Variants in TIAM1 observed in about 807,000 individuals in gnomAD.
TIAM1 encodes rho guanine nucleotide exchange factor TIAM1.
A neutral mutation model predicts 163.5 loss-of-function variants in TIAM1; 65 were observed. The ratio of observed to expected loss-of-function variants is 0.40; its 90% CI spans 0.33 to 0.49. The LOEUF is 0.49. Ranked by LOEUF, TIAM1 falls within the 20% of genes least tolerant of loss-of-function variation. TIAM1 has a pLI of 0.77. For missense variants in TIAM1, 1,789 were observed against 2,044.7 expected (o/e 0.87, Z 2.41); for synonymous variants, 833 against 810.1 (o/e 1.03, Z -0.48).
At position 31,157,399 on chromosome 21, in the gene TIAM1, G is replaced by T. The variant is rs147389541; in HGVS notation, c.2992-2973C>A. 3.4e-3 allele frequency among the ~76,000 whole-genome samples: 514 copies of T among 152,232 alleles called. 2 individuals are homozygous for T. The highest frequency in any genetic ancestry group is 0.012 in the African/African-American group (489 of 41,530). ...AAACTAGCAAGAACAACTTTGGCAG[G>T]ATCTCTGAATACTTTTGTACTGCAT... On this transcript the variant is annotated intron_variant, in intron 16 of 27. Transcript: ENST00000541036.
chr21:31,124,327 A>G (rs1212855393), intron 27 of TIAM1, 195 bp downstream of exon 27: 2 of 603,384 alleles, frequency 3.3e-6, no homozygotes, highest in Non-Finnish European at 5.2e-6. Flanking sequence ...AGGAATGTAG[A>G]TACAGGGCGG....
intron 2 of TIAM1, among the ~76,000 whole-genome samples, chr21:31,442,089 A>ATATATATATATATAT (rs1555982237): frequency 3.3e-4 from 41 of 123,852 alleles, no homozygotes; most frequent in East Asian, 1.0e-3. Context: ...ATATATATAG[A>ATATATATATATATAT]ACAATAAGGG....
At position 31,195,213 on chromosome 21, in the gene TIAM1, A is replaced by C; in HGVS notation, c.2575+11T>G. 6.2e-7 allele frequency: 1 copy of C among 1,602,566 alleles called. No homozygotes were observed. Among genetic ancestry groups the C allele is most frequent in the Non-Finnish European group, 8.5e-7 (1 of 1,171,186 alleles). On this transcript the variant is annotated intron_variant, in intron 13 of 27. Coordinates refer to ENST00000541036, the MANE Select transcript of TIAM1 (RefSeq NM_001353694.2). ...TTACCTTAAAACACAAACAAAGAAA[A>C]ATAAACTTACCGTAAGTATCAGCAG...
chr21:31,508,141 T>C (rs2047092012), intron 1 of TIAM1, among the ~76,000 whole-genome samples: 1 of 152,160 alleles, frequency 6.6e-6, no homozygotes, highest in African/African-American at 2.4e-5. Flanking sequence ...GGACAGGTTC[T>C]TCCTTAGAGC....
intron 1 of TIAM1, among the ~76,000 whole-genome samples, chr21:31,546,566 A>T (rs2048499891): frequency 6.6e-6 from 1 of 151,788 alleles, no homozygotes; most frequent in African/African-American, 2.4e-5. Flanking sequence ...AAAAGAAAGA[A>T]AGAAAGAAAG....
intron 1 of TIAM1, among the ~76,000 whole-genome samples, chr21:31,503,230 A>C (rs1171480166): frequency 6.6e-6 from 1 of 151,718 alleles, no homozygotes; most frequent in East Asian, 2.0e-4. Context: ...CCCCGTCTCT[A>C]CTAAAAATAA....
intron 1 of TIAM1, among the ~76,000 whole-genome samples, chr21:31,469,949 G>A (rs972356934): frequency 2.6e-5 from 4 of 151,920 alleles, no homozygotes; most frequent in Non-Finnish European, 2.9e-5. Flanking sequence ...GGCAGGTGTG[G>A]CGCACTGTCT....
intron 16 of TIAM1, among the ~76,000 whole-genome samples, chr21:31,163,804 C>T (rs2084052721): frequency 6.6e-6 from 1 of 151,910 alleles, no homozygotes; most frequent in Non-Finnish European, 1.5e-5. Flanking sequence ...CCTGATTTTG[C>T]AGATGAGAAA....
At chr21:31,453,089 G>A in intron 2 of TIAM1, 1 of 346,782 alleles carries the variant, frequency 2.9e-6, no homozygotes, top group Non-Finnish European at 5.7e-6. Flanking sequence ...TGTTTGGAGA[G>A]GATAAAGAAG....
intron 6 of TIAM1, among the ~76,000 whole-genome samples, chr21:31,226,562 G>C (rs2087984459): frequency 6.6e-6 from 1 of 152,146 alleles, no homozygotes; most frequent in South Asian, 2.1e-4. Context: ...TTTGAGAAGG[G>C]CATTAAGAAA....
Position 31,185,556 on chromosome 21 carries a change from TTAATA to T in TIAM1, c.2662+1440_2662+1444del, listed in dbSNP as rs201107331. Among the ~76,000 whole-genome samples the T allele has an allele frequency of 0.022, 2,849 of 130,902 alleles. 216 individuals carry two copies. The East Asian group carries it at 0.26, about 12-fold the overall frequency. The allele number at this position is 130,902 out of a possible 152,430, so 85.9% of individuals were successfully genotyped here. ...ATATTATGCCATTATATATTATATA[TTAATA>T]TAATATATTATATATTAATATAATA... On this transcript the variant is annotated intron_variant, in intron 14 of 27. Coordinates refer to ENST00000541036, the MANE Select transcript of TIAM1 (RefSeq NM_001353694.2).
In TIAM1 at chr21:31,127,143, G is replaced by A; in HGVS notation, c.4055C>T (p.Ala1352Val). The A allele has an allele frequency of 6.2e-7, 1 of 1,613,888 alleles. No homozygotes were observed. The highest frequency in any genetic ancestry group is 8.5e-7 in the Non-Finnish European group (1 of 1,179,774). The change falls in exon 26 of 28, where the codon GCA (alanine) becomes GTA (valine). Residue 1352 changes from alanine (A) to valine (V), a missense_variant. Around this residue, in one of 5 missense-constraint regions of TIAM1, gnomAD observed 415 missense variants for 439.2 expected, o/e 0.94. Transcript: ENST00000541036. ...VRALASADAE[A>V]NAVCEIVHVK... ...ATGGACAATTTCACACACGGCATTT[G>A]CCTCTGCATCTAAAGAAATTAAAAC...
intron 1 of TIAM1, among the ~76,000 whole-genome samples, chr21:31,470,243 G>A (rs183083923): frequency 3.0e-4 from 46 of 152,056 alleles, no homozygotes; most frequent in African/African-American, 6.7e-4. Flanking sequence ...AACCTCAGGC[G>A]ATCTGCCCAC....
chr21:31,222,696 TATATA>T (rs2087646107), intron 8 of TIAM1, among the ~76,000 whole-genome samples: 4 of 39,776 alleles, frequency 1.0e-4, no homozygotes, highest in African/African-American at 4.6e-4. Context: ...TATATATATA[TATATA>T]TATATATTTT....
chr21:31,492,925 AT>A (rs1340150047), intron 1 of TIAM1, among the ~76,000 whole-genome samples: 3 of 152,100 alleles, frequency 2.0e-5, no homozygotes, highest in East Asian at 3.9e-4. Flanking sequence ...GGAATAAATA[AT>A]TTTTTAAGGT....
At chr21:31,549,477 A>ATTAT (rs1367646726) in intron 1 of TIAM1, among the ~76,000 whole-genome samples, 4 of 152,096 alleles carry the variant, frequency 2.6e-5, no homozygotes, top group African/African-American at 9.7e-5. Context: ...TATTAATAAA[A>ATTAT]AAAAATTAAA....
intron 2 of TIAM1, among the ~76,000 whole-genome samples, chr21:31,445,229 C>T (rs2044580159): frequency 6.6e-6 from 1 of 152,060 alleles, no homozygotes; most frequent in Non-Finnish European, 1.5e-5. Context: ...AACTCCAAGG[C>T]CTCAGGTTTT....
intron 2 of TIAM1, among the ~76,000 whole-genome samples, chr21:31,309,596 AC>A (rs1297549413): frequency 1.3e-5 from 2 of 152,206 alleles, no homozygotes; most frequent in African/African-American, 4.8e-5. Flanking sequence ...AGAGTCCTAG[AC>A]CGGAGAGTCT....
chr21:31,195,696 C>A (rs2085812102), intron 12 of TIAM1, among the ~76,000 whole-genome samples: 1 of 152,172 alleles, frequency 6.6e-6, no homozygotes, highest in Non-Finnish European at 1.5e-5. Flanking sequence ...CTCTATGCTT[C>A]CATTCAAAAA....
Sources: allele counts gnomAD v4.1 joint callset (sites outside exome capture counted in the v4.1 genomes callset), GRCh38; gene constraint gnomAD v4.1.1; regional missense constraint gnomAD v4.1.1; transcripts MANE v1.5; gene names NCBI Gene and HGNC (gene_info 2026-07-23, HGNC 2026-07-21).